The following WASHC4 variants were observed in gnomAD, a reference collection of about 807,000 sequenced individuals.
WASHC4 encodes WASH complex subunit 4.
A neutral mutation model predicts 166.6 loss-of-function variants in WASHC4; 86 were observed. That is an observed-to-expected ratio of 0.52 (90% CI 0.43 to 0.62). The LOEUF (loss-of-function observed/expected upper bound fraction) is 0.62. Ranked by LOEUF, WASHC4 falls within the 20% of genes least tolerant of loss-of-function variation. The probability of loss-of-function intolerance (pLI) is 0.00; values close to 1 mark genes in which losing one functional copy is unlikely to be tolerated. For missense variants in WASHC4, 1,262 were observed against 1,382.4 expected (o/e 0.91, Z 1.38); for synonymous variants, 446 against 451.6 (o/e 0.99, Z 0.16).
chr12:105,168,410 ATAAT>A lies in WASHC4; in HGVS notation c.*1484_*1487del, dbSNP rs751855455. The A allele has an allele frequency of 6.2e-4, 95 of 152,158 alleles. No individual in the cohort carries two copies. Among genetic ancestry groups the A allele is most frequent in the Non-Finnish European group, 9.7e-4 (66 of 67,874 alleles). 9.4% of individuals were successfully genotyped at this position (152,158 alleles called of 1,614,324 possible). The stretch of plus-strand genomic sequence containing the variant: ...TAGAAATGGCCCTAAAGCATGCTGC[ATAAT>A]TAATAATTTATATTTTCATTATTAT... On this transcript the variant is annotated 3_prime_UTR_variant, in exon 33 of 33. Transcript: ENST00000332180.
intron 32 of WASHC4, 37 bp downstream of exon 32, chr12:105,164,777 T>G (rs1566033682): frequency 7.2e-7 from 1 of 1,395,524 alleles, no homozygotes; most frequent in Non-Finnish European, 1.0e-6. Context: ...GACCAATAAA[T>G]GTCTTTAGTA....
At chr12:105,149,031 C>T (rs1481424656) in intron 24 of WASHC4, 3 of 976,806 alleles carry the variant, frequency 3.1e-6, no homozygotes, top group Non-Finnish European at 2.4e-6. Flanking sequence ...ATTTATTTAA[C>T]AATACTTGTT....
chr12:105,141,603 G>T (rs1333084661), intron 18 of WASHC4, among the ~76,000 whole-genome samples: 3 of 152,182 alleles, frequency 2.0e-5, no homozygotes, highest in African/African-American at 7.2e-5. Context: ...AGCAATCCAT[G>T]ATACGTAGTG....
At chr12:105,145,337 T>A (rs1227999572) in intron 22 of WASHC4, among the ~76,000 whole-genome samples, 2 of 152,040 alleles carry the variant, frequency 1.3e-5, no homozygotes, top group African/African-American at 2.4e-5. Flanking sequence ...GCTAATTCAA[T>A]TAGTTAATGT....
At chr12:105,144,176 C>A in intron 20 of WASHC4, 111 bp from the exon 21 acceptor site, 1 of 828,396 alleles carries the variant, frequency 1.2e-6, no homozygotes. Flanking sequence ...ATTTATGTAA[C>A]TGCTTCTGAC....
At chr12:105,165,411 T>C (rs796209116) in intron 32 of WASHC4, among the ~76,000 whole-genome samples, 18 of 152,342 alleles carry the variant, frequency 1.2e-4, no homozygotes, top group African/African-American at 4.1e-4. Flanking sequence ...TTAGGAATAA[T>C]CATCTTCTCT....
At chr12:105,143,014 C>T (rs1391311638) in intron 19 of WASHC4, 113 bp from the exon 20 acceptor site, 12 of 719,078 alleles carry the variant, frequency 1.7e-5, no homozygotes, top group Non-Finnish European at 2.7e-5. Context: ...TGTGGAAAAT[C>T]ATTTTTCCTT....
At chr12:105,135,408 T>C (rs1882223122) in intron 14 of WASHC4, among the ~76,000 whole-genome samples, 1 of 151,656 alleles carries the variant, frequency 6.6e-6, no homozygotes, top group African/African-American at 2.4e-5. Context: ...GGTTTTTTTT[T>C]TTCTTCTAGC....
chr12:105,140,799 T>G, intron 16 of WASHC4, 100 bp from the exon 17 acceptor site: 4 of 1,167,086 alleles, frequency 3.4e-6, no homozygotes, highest in South Asian at 2.5e-5. Context: ...TTGTGTATGC[T>G]CTCTTAAATT....
At chr12:105,133,480 A>T (rs551450320) in intron 13 of WASHC4, among the ~76,000 whole-genome samples, 122 of 152,042 alleles carry the variant, frequency 8.0e-4, no homozygotes, top group Non-Finnish European at 1.5e-3. Flanking sequence ...TTACTTACTG[A>T]TTTCATTATT....
chr12:105,117,271 A>G (rs555345948), intron 6 of WASHC4, among the ~76,000 whole-genome samples: 1 of 152,062 alleles, frequency 6.6e-6, no homozygotes, highest in East Asian at 1.9e-4. Context: ...CATTTTCTTG[A>G]TTTATCTTTT....
At position 105,147,047 on chromosome 12, in the gene WASHC4, T is replaced by C. The variant is rs193129463; in HGVS notation, c.2415T>C (p.Phe805=). 120 of 1,594,678 alleles carry C rather than the reference T, an allele frequency of 7.5e-5. No individual in the cohort carries two copies. The African/African-American group carries it at 1.6e-3, about 21-fold the overall frequency. ...ATAAATTTGTTTCATTGCAGATTTTTATTGAACGAACAAGCAATAACAAGC... is the reference window on the plus strand; with the variant it reads ...ATAAATTTGTTTCATTGCAGATTTTCATTGAACGAACAAGCAATAACAAGC... ...RYLYNLNNQI[F]IERTSNNKHL... Residue 805 remains phenylalanine (F), a synonymous_variant, in exon 24 of 33, where the codon TTT becomes TTC. Transcript: ENST00000332180.
chr12:105,163,043 G>A lies in WASHC4; in HGVS notation c.3157+198G>A, dbSNP rs138054281. Reference sequence around the variant, plus strand: ...CAGTGGCACGATCACTGCAAGCTCCGCCTCCTGGGTTCACACCATTCTCCT... The same window carrying A: ...CAGTGGCACGATCACTGCAAGCTCCACCTCCTGGGTTCACACCATTCTCCT... On this transcript the variant is annotated intron_variant, in intron 30 of 32. Coordinates refer to ENST00000332180, the MANE Select transcript of WASHC4 (RefSeq NM_015275.3). Among the ~76,000 whole-genome samples the A allele has an allele frequency of 3.3e-3, 500 of 151,680 alleles. 23 individuals carry two copies. In the East Asian group the frequency reaches 0.079, roughly 24 times the overall value.
intron 6 of WASHC4, 143 bp from the exon 7 acceptor site, chr12:105,118,303 T>A: frequency 2.8e-6 from 2 of 710,404 alleles, no homozygotes; most frequent in South Asian, 3.0e-5. Context: ...TGAGGGATGC[T>A]TGAACTTGTC....
rs1178668106 is a variant in WASHC4 at position 105,143,192 on chromosome 12, TG to T, written c.1960del (p.Glu654ArgfsTer15). 6.2e-7 allele frequency: 1 copy of T among 1,605,756 alleles called. No homozygotes were observed. Among genetic ancestry groups the T allele is most frequent in the Admixed American group, 1.7e-5 (1 of 59,924 alleles). On this transcript the variant is annotated frameshift_variant, in exon 20 of 33. Transcript: ENST00000332180. LOFTEE classifies it high-confidence loss of function. The part of the protein sequence containing the change: ...MMHARHLESY[E>X]ILLDCYDKEI... ...TGCATGCAAGGCATTTAGAGTCCTA[TG>T]AGATACTTCTGGATTGCTATGACAA...
At chr12:105,166,079 T>C (rs1270946259) in intron 32 of WASHC4, among the ~76,000 whole-genome samples, 1 of 152,214 alleles carries the variant, frequency 6.6e-6, no homozygotes, top group African/African-American at 2.4e-5. Flanking sequence ...GGCTAAAGCA[T>C]TAAAACAAAA....
chr12:105,153,571 T>G (rs1477227908), intron 26 of WASHC4, among the ~76,000 whole-genome samples: 1 of 152,190 alleles, frequency 6.6e-6, no homozygotes, highest in African/African-American at 2.4e-5. Context: ...GTTCTTAACC[T>G]TTTTTGAGAA....
chr12:105,152,281 T>A (rs1415796535), intron 25 of WASHC4, 62 bp from the exon 26 acceptor site: 2 of 823,758 alleles, frequency 2.4e-6, no homozygotes, highest in African/African-American at 3.4e-5. Context: ...CATGGTTTAT[T>A]TGGGAGGCAT....
chr12:105,120,675 A>G (rs1247549258), intron 8 of WASHC4, 78 bp downstream of exon 8: 2 of 988,424 alleles, frequency 2.0e-6, no homozygotes, highest in South Asian at 1.3e-5. Context: ...GTTGGAGAGT[A>G]TGACAGTCAT....
Sources: allele counts gnomAD v4.1 joint callset (sites outside exome capture counted in the v4.1 genomes callset), GRCh38; gene constraint gnomAD v4.1.1; transcripts MANE v1.5; gene names NCBI Gene and HGNC (gene_info 2026-07-23, HGNC 2026-07-21).